Variants in CDHR4 observed in about 807,000 individuals in gnomAD.
The protein encoded by CDHR4 is cadherin-related family member 4.
CDHR4 carries 89 observed loss-of-function variants against 88.4 expected under a neutral mutation model. The ratio of observed to expected loss-of-function variants is 1.01; its 90% CI spans 0.85 to 1.20. The LOEUF (loss-of-function observed/expected upper bound fraction) is 1.20, where lower values mean the gene tolerates loss of function less well. CDHR4 is among the 50% of genes most tolerant of loss of function. The probability of loss-of-function intolerance (pLI) is 0.00; values close to 1 mark genes in which losing one functional copy is unlikely to be tolerated. For missense variants in CDHR4, 914 were observed against 1,007.2 expected, an observed-to-expected ratio of 0.91 and a Z score of 1.25; for synonymous variants, 368 against 399.2, an observed-to-expected ratio of 0.92 and a Z score of 0.93.
rs936209039 is a variant in CDHR4 at position 49,797,341 on chromosome 3, C to T, written c.496-309G>A. Among the ~76,000 whole-genome samples, 22 of 151,492 alleles carry T rather than the reference C, an allele frequency of 1.5e-4. No individual in the cohort carries two copies. In the East Asian group the frequency reaches 3.5e-3, roughly 24 times the overall value. On this transcript the variant is annotated intron_variant, in intron 4 of 18. Transcript: ENST00000412678. ...TCGCCCAGGCTGGAGTGCAGTGGTG[C>T]GATCTCAGCTCACTGCAACCTCCAC...
chr3:49,800,602 T>C (rs939301957), upstream of CDHR4, among the ~76,000 whole-genome samples: 2 of 152,062 alleles, frequency 1.3e-5, no homozygotes, highest in African/African-American at 4.8e-5. Flanking sequence ...AAATACTGGT[T>C]ACCGTTGGGA....
chr3:49,791,924 G>A lies in CDHR4; in HGVS notation c.2174C>T (p.Ala725Val), dbSNP rs1056007523. The change falls in exon 16 of 19, where the codon GCC (alanine) becomes GTC (valine). Residue 725 changes from alanine (A) to valine (V), a missense_variant. By Grantham distance (64) the Ala-to-Val change is moderately conservative. Coordinates refer to ENST00000412678, the MANE Select transcript of CDHR4 (RefSeq NM_001007540.4). ...TGACCTGTTTAGCAGCAAAGCCTGG[G>A]CTGGTTTGCTGGGTGCTTGCAGCAG... ...AQLLQAPSKP[A>V]QALLLNSIQG... 3.2e-6 allele frequency: 5 copies of A among 1,551,624 alleles called. No individual in the cohort carries two copies. The highest frequency in any genetic ancestry group is 1.7e-4 in the Middle Eastern group (1 of 6,000).
upstream of CDHR4, among the ~76,000 whole-genome samples, chr3:49,802,127 C>G (rs1429379409): frequency 6.8e-6 from 1 of 147,136 alleles, no homozygotes; most frequent in Non-Finnish European, 1.5e-5. Context: ...TTCTTCTTCT[C>G]CTTCTTCTCC....
Position 49,793,999 on chromosome 3 carries a change from C to T in CDHR4, c.1287G>A (p.Val429=). The T allele has an allele frequency of 6.4e-7, 1 of 1,551,448 alleles. No individual in the cohort carries two copies. Among genetic ancestry groups the T allele is most frequent in the South Asian group, 1.2e-5 (1 of 84,058 alleles). Residue 429 remains valine, a synonymous_variant, in exon 11 of 19, where the codon GTG becomes GTA. Coordinates refer to ENST00000412678, the MANE Select transcript of CDHR4 (RefSeq NM_001007540.4). ...DGGQPQMTTE[V]PVLVMVTPIN... Reference sequence around the variant, plus strand: ...TGGGTGTCACCATCACCAGTACCGGCACCTCAGCTGGAAGTCATTTGGCAG... The same window carrying T: ...TGGGTGTCACCATCACCAGTACCGGTACCTCAGCTGGAAGTCATTTGGCAG...
intron 4 of CDHR4, among the ~76,000 whole-genome samples, chr3:49,797,262 T>C (rs1006996393): frequency 6.6e-6 from 1 of 150,844 alleles, no homozygotes; most frequent in African/African-American, 2.4e-5. Context: ...TCTCTCTTCC[T>C]CCCTCCCTCC....
At chr3:49,796,841 G>T (rs1402078356) in intron 5 of CDHR4, 81 bp downstream of exon 5, 2 of 1,086,894 alleles carry the variant, frequency 1.8e-6, no homozygotes, top group African/African-American at 3.1e-5. Context: ...GGAGGCCAAG[G>T]AGGCCAAGAA....
At position 49,799,156 on chromosome 3, in the gene CDHR4, A is replaced by C. The variant is rs752315487; in HGVS notation, c.241T>G (p.Leu81Val). 1.3e-6 allele frequency: 2 copies of C among 1,583,252 alleles called. No individual in the cohort carries two copies. The highest frequency in any genetic ancestry group is 1.7e-6 in the Non-Finnish European group (2 of 1,164,540). ...ARWQGTYVGK[L>V]TLSSSAQLDA... ...AACTGAGCAGAGCTGCTCAAGGTCA[A>C]CTGGGGTGGGTGGACAGTGCCATGT... The change falls in exon 3 of 19, where the codon TTG (leucine) becomes GTG (valine). Residue 81 changes from leucine (L) to valine (V), a missense_variant and splice_region_variant. Transcript: ENST00000412678.
In CDHR4 at chr3:49,790,779, C is replaced by T; in HGVS notation, c.*53G>A. 2 of 1,437,348 alleles carry T rather than the reference C, an allele frequency of 1.4e-6. No homozygotes were observed. Among genetic ancestry groups the T allele is most frequent in the Non-Finnish European group, 1.9e-6 (2 of 1,053,220 alleles). 89.0% of individuals were successfully genotyped at this position (1,437,348 alleles called of 1,614,324 possible). A position where few individuals can be genotyped will look rare whatever the true frequency, so the allele number is the denominator to read the frequency against. On this transcript the variant is annotated 3_prime_UTR_variant, in exon 19 of 19. Coordinates refer to ENST00000412678, the MANE Select transcript of CDHR4 (RefSeq NM_001007540.4). ...ATTATGAATCAACTTGAAAATACAGCCCATGATGGTGTGAAAAAGAAATTC... is the reference window on the plus strand; with the variant it reads ...ATTATGAATCAACTTGAAAATACAGTCCATGATGGTGTGAAAAAGAAATTC...
intron 14 of CDHR4, 75 bp downstream of exon 14, chr3:49,792,779 C>T: frequency 2.1e-6 from 3 of 1,463,354 alleles, no homozygotes; most frequent in Non-Finnish European, 2.7e-6. Context: ...CATAGTTCCA[C>T]CTGAAAAACT....
rs2081253611 is a variant in CDHR4 at position 49,795,305 on chromosome 3, C to T, written c.922G>A (p.Val308Met). Residue 308 changes from valine to methionine, a missense_variant, in exon 8 of 19, where the codon GTG (valine) becomes ATG (methionine). Val to Met is a conservative substitution (Grantham distance 21). Transcript: ENST00000412678. This position sits in a 1 kb window ranked among gnomAD's most constrained non-coding sequence, Gnocchi z 5.4. The stretch of plus-strand genomic sequence containing the variant: ...AGCTGGCCCTGCTCAAAGGCCTTCA[C>T]CTGCAGCCTGGAGACCGCGGTGCCT... ...TSGTAVSRLQVKAFEQGQLWA... is the reference protein window; with the variant it reads ...TSGTAVSRLQMKAFEQGQLWA... 1 of 1,551,524 alleles carries T rather than the reference C, an allele frequency of 6.4e-7. No individual in the cohort carries two copies. The highest frequency in any genetic ancestry group is 1.4e-5 in the African/African-American group (1 of 73,022).
upstream of CDHR4, among the ~76,000 whole-genome samples, chr3:49,802,243 C>G (rs986722749): frequency 2.6e-5 from 4 of 151,976 alleles, no homozygotes; most frequent in Admixed American, 2.0e-4. Flanking sequence ...GCGCGATCTC[C>G]GCTCACTGCA....
chr3:49,794,092 T>G, intron 10 of CDHR4, 86 bp from the exon 11 acceptor site: 1 of 1,357,656 alleles, frequency 7.4e-7, no homozygotes, highest in Non-Finnish European at 1.0e-6. Context: ...GGCCCTGCCC[T>G]GGGGGTCTAA....
Position 49,796,951 on chromosome 3 carries a change from A to G in CDHR4, c.577T>C (p.Ser193Pro). ...INEQGWLQAP[S>P]QGLLGQAQKV... is the part of the protein sequence containing the mutation. ...TGAGCCTGGCCTAGGAGGCCCTGGG[A>G]TGGTGCCTGCAGCCAACCTTGCTCA... The change falls in exon 5 of 19, where the codon TCC (serine) becomes CCC (proline). Residue 193 changes from serine (S) to proline (P), a missense_variant. Physicochemically the swap from Ser to Pro is moderately conservative, Grantham distance 74 (BLOSUM62 -1). Transcript: ENST00000412678. The G allele has an allele frequency of 6.4e-7, 1 of 1,551,692 alleles. No individual in the cohort carries two copies. The highest frequency in any genetic ancestry group is 8.7e-7 in the Non-Finnish European group (1 of 1,146,974).
chr3:49,792,737 G>C (rs746422747), intron 14 of CDHR4, 117 bp downstream of exon 14: 60 of 1,454,952 alleles, frequency 4.1e-5, no homozygotes, highest in Non-Finnish European at 5.3e-5. Context: ...TGGGCTCTCC[G>C]CACTCTGCGC....
In CDHR4 at chr3:49,795,257, G is replaced by A. The variant is rs1275247877; in HGVS notation, c.970C>T (p.Leu324Phe). The change falls in exon 8 of 19, where the codon CTC becomes TTC. Residue 324 changes from leucine to phenylalanine, a missense_variant. Coordinates refer to ENST00000412678, the MANE Select transcript of CDHR4 (RefSeq NM_001007540.4). The surrounding 1 kb of genome is among the most constrained non-coding windows in gnomAD (Gnocchi z 5.4). ...GQLWASAKLNLTMNVQLVNLW... is the reference protein window; with the variant it reads ...GQLWASAKLNFTMNVQLVNLW... ...TTGACCAGCTGCACATTCATGGTGA[G>A]ATTGAGCTTGGCACTGGCCCACAGC... The A allele has an allele frequency of 1.9e-6, 3 of 1,551,562 alleles. No homozygotes were observed. In the African/African-American group the frequency reaches 4.1e-5, roughly 21 times the overall value.
Position 49,791,473 on chromosome 3 carries a change from T to G in CDHR4, c.2284-5A>C. 6.5e-7 allele frequency: 1 copy of G among 1,542,938 alleles called. No individual in the cohort carries two copies. The highest frequency in any genetic ancestry group is 1.4e-5 in the African/African-American group (1 of 71,670). Reference sequence around the variant, plus strand: ...CTGTGCTCTGCCATCAAAATGCTGCTGAGGGAAAAAAAAAAAAGATGCAAT... The same window carrying G: ...CTGTGCTCTGCCATCAAAATGCTGCGGAGGGAAAAAAAAAAAAGATGCAAT... On this transcript the variant is annotated splice_polypyrimidine_tract_variant and splice_region_variant and intron_variant, in intron 17 of 18. Transcript: ENST00000412678.
chr3:49,796,230 C>T (rs1431924697), intron 5 of CDHR4, among the ~76,000 whole-genome samples, 184 bp from the exon 6 acceptor site: 2 of 152,238 alleles, frequency 1.3e-5, no homozygotes, highest in Non-Finnish European at 2.9e-5. Context: ...GAGCCCCATA[C>T]CTTTGGGCCA....
upstream of CDHR4, among the ~76,000 whole-genome samples, chr3:49,801,406 C>T (rs916532253): frequency 2.0e-5 from 3 of 152,194 alleles, no homozygotes; most frequent in African/African-American, 7.2e-5. Flanking sequence ...CACTGATTTC[C>T]TCCCACCCCA....
chr3:49,792,323 T>C (rs1220356476), intron 15 of CDHR4, 145 bp downstream of exon 15: 4 of 1,037,710 alleles, frequency 3.9e-6, no homozygotes, highest in South Asian at 1.7e-5. Context: ...TAAAGACCTC[T>C]GGAGGGAGAG....
Sources: gnomAD v4.1 joint callset for allele counts (sites outside exome capture counted in the v4.1 genomes callset) on GRCh38, gnomAD v4.1.1 for gene constraint, Gnocchi (gnomAD v3.1) non-coding constraint, MANE v1.5 for transcripts, NCBI Gene and HGNC (gene_info 2026-07-23, HGNC 2026-07-21) for gene names.